Variants in NFIB observed in about 807,000 individuals in gnomAD.
NFIB encodes nuclear factor 1 B-type.
Under a neutral mutation model 61.5 loss-of-function variants are expected in NFIB, and 11 were observed. The observed-to-expected ratio is 0.18, with a 90% CI of 0.11 to 0.30. The LOEUF is 0.30. Ranked by LOEUF, NFIB falls within the 10% of genes least tolerant of loss-of-function variation. The pLI, the probability that NFIB is intolerant of heterozygous loss-of-function variation, is 1.00. For synonymous variants in NFIB, 260 were observed against 216.5 expected (o/e 1.20, Z -1.76); for missense variants, 471 against 608.9 (o/e 0.77, Z 2.38).
At chr9:14,526,508 G>T in the NFIB span, among the ~76,000 whole-genome samples, 2 of 152,128 alleles carry the variant, frequency 1.3e-5, no homozygotes, top group African/African-American at 2.4e-5. Flanking sequence ...CTTGTGAAAA[G>T]AACTTTTGCA....
In NFIB at chr9:14,163,256, A is replaced by C. The variant is rs556103751; in HGVS notation, c.617-7363T>G. Among the ~76,000 whole-genome samples the C allele has an allele frequency of 2.6e-5, 4 of 152,160 alleles. No homozygotes were observed. In the South Asian group the frequency reaches 8.3e-4, roughly 32 times the overall value. ...AGCAAAAATAAGAAAATAGGATGTA[A>C]AAATATATAATAATATGAAGTAAAA... On this transcript the variant is annotated intron_variant, in intron 3 of 10. Transcript: ENST00000380953.
chr9:14,294,753 C>T (rs56862024), intron 2 of NFIB, among the ~76,000 whole-genome samples: 8,024 of 152,228 alleles, frequency 0.053, 735 homozygotes, highest in African/African-American at 0.18. Context: ...CCCCTAGGTA[C>T]GTGATACACT....
chr9:14,512,389 A>G, the NFIB span, among the ~76,000 whole-genome samples: 7 of 95,626 alleles, frequency 7.3e-5, no homozygotes, highest in East Asian at 2.1e-3. Flanking sequence ...TGTTCTGCAG[A>G]CTTTCATTAC....
intron 1 of NFIB, among the ~76,000 whole-genome samples, chr9:14,390,963 C>A (rs903617012): frequency 1.1e-4 from 16 of 152,146 alleles, no homozygotes; most frequent in African/African-American, 3.4e-4. Flanking sequence ...TGAGTTCATA[C>A]TGATATAACA....
intron 2 of NFIB, among the ~76,000 whole-genome samples, chr9:14,222,410 TA>T (rs1450623571): frequency 6.6e-6 from 1 of 152,128 alleles, no homozygotes; most frequent in Non-Finnish European, 1.5e-5. Flanking sequence ...TACCTGACAC[TA>T]ATTCATGCAC....
the NFIB span, among the ~76,000 whole-genome samples, chr9:14,529,413 G>C: frequency 4.6e-5 from 7 of 152,210 alleles, no homozygotes; most frequent in Non-Finnish European, 1.0e-4. Context: ...CTTACACAAA[G>C]AGCCCAGAGT....
the NFIB span, among the ~76,000 whole-genome samples, chr9:14,437,353 T>C: frequency 5.3e-5 from 8 of 152,242 alleles, no homozygotes; most frequent in Non-Finnish European, 1.0e-4. Context: ...CCAAATGTTG[T>C]CAGCCTTATT....
intron 4 of NFIB, among the ~76,000 whole-genome samples, chr9:14,154,769 C>A (rs922782817): frequency 1.3e-5 from 2 of 152,170 alleles, no homozygotes; most frequent in African/African-American, 4.8e-5. Context: ...ATGCTATTTG[C>A]ACTGTTCACT....
At chr9:14,182,706 CTCTGTGTGTGTGTGTG>C (rs1335536431) in intron 2 of NFIB, among the ~76,000 whole-genome samples, 1 of 124,794 alleles carries the variant, frequency 8.0e-6, no homozygotes, top group East Asian at 2.6e-4. Flanking sequence ...CTCTCTCTCT[CTCTGTGTGTGTGTGTG>C]TGTGTGTGTG....
At chr9:14,173,785 G>A (rs12335788) in intron 3 of NFIB, among the ~76,000 whole-genome samples, 7,360 of 152,234 alleles carry the variant, frequency 0.048, 542 homozygotes, top group African/African-American at 0.16. Flanking sequence ...GTAGGTGACT[G>A]GGGAGACATG....
chr9:14,356,578 G>A (rs2061178630), intron 1 of NFIB, among the ~76,000 whole-genome samples: 1 of 152,050 alleles, frequency 6.6e-6, no homozygotes, highest in African/African-American at 2.4e-5. Flanking sequence ...AAACAACAGT[G>A]AGAGCAGGAC....
At chr9:14,509,778 C>T in the NFIB span, among the ~76,000 whole-genome samples, 63 of 152,232 alleles carry the variant, frequency 4.1e-4, no homozygotes, top group Admixed American at 5.9e-4. Context: ...GGACCCAGCC[C>T]ATGGTGAAAT....
intron 6 of NFIB, among the ~76,000 whole-genome samples, chr9:14,129,245 G>A (rs906918125): frequency 6.6e-6 from 1 of 152,072 alleles, no homozygotes; most frequent in Non-Finnish European, 1.5e-5. Context: ...AAGAACGGTA[G>A]TATCAGAATA....
At chr9:14,347,128 G>C (rs185387889) in intron 1 of NFIB, among the ~76,000 whole-genome samples, 1 of 150,990 alleles carries the variant, frequency 6.6e-6, no homozygotes, top group East Asian at 2.0e-4. Flanking sequence ...GCAGACGCGC[G>C]AGGCTTGGGA....
chr9:14,240,981 G>A (rs1253639562), intron 2 of NFIB, among the ~76,000 whole-genome samples: 1 of 152,222 alleles, frequency 6.6e-6, no homozygotes, highest in East Asian at 1.9e-4. Context: ...AAGTTGAGCA[G>A]GGCTGTCTTC....
intron 1 of NFIB, among the ~76,000 whole-genome samples, chr9:14,351,399 GC>G (rs35278858): frequency 0.18 from 27,936 of 152,034 alleles, 2,706 homozygotes; most frequent in Middle Eastern, 0.26. Flanking sequence ...AGGGAGCTGG[GC>G]TAGGGCTGGC....
At position 14,307,870 on chromosome 9, in the gene NFIB, C is replaced by T. The variant is rs996190263; in HGVS notation, c.31-350G>A. On this transcript the variant is annotated intron_variant, in intron 1 of 10. Coordinates refer to ENST00000380953, the MANE Select transcript of NFIB (RefSeq NM_001190737.2). This position sits in a 1 kb window ranked among gnomAD's most constrained non-coding sequence, Gnocchi z 5.3. ...AGGCAACTAACTAAGGTGCTTGGCACCTAATATAGTATTTCAATATTTGAT... is the reference window on the plus strand; with the variant it reads ...AGGCAACTAACTAAGGTGCTTGGCATCTAATATAGTATTTCAATATTTGAT... 5.5e-6 allele frequency: 1 copy of T among 183,062 alleles called. No individual in the cohort carries two copies. Among genetic ancestry groups the T allele is most frequent in the Non-Finnish European group, 1.2e-5 (1 of 86,492 alleles). The allele number at this position is 183,062 out of a possible 1,614,324, so 11.3% of individuals were successfully genotyped here.
chr9:14,352,149 C>T (rs2061120185), intron 1 of NFIB, among the ~76,000 whole-genome samples: 1 of 152,108 alleles, frequency 6.6e-6, no homozygotes, highest in African/African-American at 2.4e-5. Flanking sequence ...AAAATAAAAT[C>T]ATAAAAGGAA....
chr9:14,363,573 G>A (rs1481497987), intron 1 of NFIB, among the ~76,000 whole-genome samples: 1 of 150,642 alleles, frequency 6.6e-6, no homozygotes, highest in Admixed American at 6.6e-5. Flanking sequence ...GATTACGAAA[G>A]CAATGGCATG....
Sources: gnomAD v4.1 joint callset for allele counts (sites outside exome capture counted in the v4.1 genomes callset) on GRCh38, gnomAD v4.1.1 for gene constraint, Gnocchi (gnomAD v3.1) non-coding constraint, MANE v1.5 for transcripts, NCBI Gene and HGNC (gene_info 2026-07-23, HGNC 2026-07-21) for gene names.